NLRC4: variants seen among roughly 807,000 people sequenced by gnomAD.
The protein encoded by NLRC4 is NLR family CARD domain-containing protein 4.
NLRC4 carries 63 observed loss-of-function variants against 79.9 expected under a neutral mutation model. The ratio of observed to expected loss-of-function variants is 0.79; its 90% CI spans 0.64 to 0.97. NLRC4 has a LOEUF of 0.97. Ranked by LOEUF, NLRC4 falls within the 50% of genes least tolerant of loss-of-function variation. NLRC4 has a pLI of 0.00. For missense variants in NLRC4, 1,074 were observed against 1,215.2 expected (o/e 0.88, Z 1.73); for synonymous variants, 461 against 456.5 (o/e 1.01, Z -0.12).
intron 1 of NLRC4, 108 bp downstream of exon 1, chr2:32,264,630 T>C (rs1687427485): frequency 6.6e-6 from 1 of 151,790 alleles, no homozygotes; most frequent in African/African-American, 2.4e-5. Context: ...CACTCGTCAA[T>C]GTTAAGGCTT....
intron 7 of NLRC4, 92 bp downstream of exon 7, chr2:32,236,155 G>A (rs927195236): frequency 1.4e-6 from 1 of 715,112 alleles, no homozygotes; most frequent in East Asian, 2.7e-5. Flanking sequence ...AGGCACACAT[G>A]GGTATAAAAG....
chr2:32,231,256 G>A (rs1362987849), intron 8 of NLRC4, among the ~76,000 whole-genome samples: 3 of 152,052 alleles, frequency 2.0e-5, no homozygotes, highest in African/African-American at 7.2e-5. Flanking sequence ...CAGGATTCAA[G>A]CAATTCTTCT....
At chr2:32,240,143 G>A (rs189196795) in intron 5 of NLRC4, among the ~76,000 whole-genome samples, 1 of 152,044 alleles carries the variant, frequency 6.6e-6, no homozygotes, top group African/African-American at 2.4e-5. Context: ...ACCATGCCCA[G>A]CTAATTTTTG....
At chr2:32,232,191 C>T (rs996301185) in intron 8 of NLRC4, among the ~76,000 whole-genome samples, 3 of 152,156 alleles carry the variant, frequency 2.0e-5, no homozygotes, top group African/African-American at 7.2e-5. Context: ...ACCTTGTTCA[C>T]CTGACCAAGG....
rs1558464069 is a variant in NLRC4 at position 32,261,315 on chromosome 2, C to CTTTTTTTTTTTTT, written c.-119+3422_-119+3423insAAAAAAAAAAAAA. Among the ~76,000 whole-genome samples, 4 of 81,504 alleles carry CTTTTTTTTTTTTT rather than the reference C, an allele frequency of 4.9e-5. 1 individual carries two copies. Among genetic ancestry groups the CTTTTTTTTTTTTT allele is most frequent in the African/African-American group, 1.9e-4 (4 of 20,688 alleles). The allele number at this position is 81,504 out of a possible 152,430, so 53.5% of individuals were successfully genotyped here. A position where few individuals can be genotyped will look rare whatever the true frequency, so the allele number is the denominator to read the frequency against. ...TTTCTTTCGCCTATTAAGCCTCCCC[C>CTTTTTTTTTTTTT]CTTTTGTTTTTTTTTGAGATGGAGC... On this transcript the variant is annotated intron_variant, in intron 1 of 8. Transcript: ENST00000402280.
intron 1 of NLRC4, among the ~76,000 whole-genome samples, chr2:32,264,300 G>C (rs1021629499): frequency 6.6e-6 from 1 of 151,918 alleles, no homozygotes; most frequent in African/African-American, 2.4e-5. Context: ...GGGGCGCGGT[G>C]CCGGGTGCCT....
In NLRC4 at chr2:32,250,236, T is replaced by G. The variant is rs148732979; in HGVS notation, c.1628A>C (p.Gln543Pro). Residue 543 changes from glutamine (Q) to proline (P), a missense_variant, in exon 4 of 9, where the codon CAA becomes CCA. Transcript: ENST00000402280. The surrounding 1 kb of genome is among the most constrained non-coding windows in gnomAD (Gnocchi z 4.9). ...SLQSVKNTTE[Q>P]EILKAININS... Reference sequence around the variant, plus strand: ...GATGTTTATGGCTTTCAGAATTTCTTGCTCAGTGGTGTTTTTCACACTTTG... The same window carrying G: ...GATGTTTATGGCTTTCAGAATTTCTGGCTCAGTGGTGTTTTTCACACTTTG... 32 of 1,614,082 alleles carry G rather than the reference T, an allele frequency of 2.0e-5. 1 individual carries two copies. In the African/African-American group the frequency reaches 2.1e-4, roughly 11 times the overall value.
intron 3 of NLRC4, 62 bp downstream of exon 3, chr2:32,252,357 A>G: frequency 8.0e-7 from 1 of 1,253,490 alleles, no homozygotes. Flanking sequence ...CATGGGGAAG[A>G]TGGATCTTTG....
chr2:32,257,819 A>T (rs1687244005), intron 1 of NLRC4, among the ~76,000 whole-genome samples: 1 of 151,760 alleles, frequency 6.6e-6, no homozygotes, highest in Admixed American at 6.6e-5. Flanking sequence ...CCTCTAGGGG[A>T]TCATACAGAT....
At chr2:32,256,713 A>G in intron 2 of NLRC4, 62 bp downstream of exon 2, 1 of 725,276 alleles carries the variant, frequency 1.4e-6, no homozygotes, top group Non-Finnish European at 2.5e-6. Context: ...TTTCCATTTA[A>G]AATCACCAGT....
intron 1 of NLRC4, among the ~76,000 whole-genome samples, chr2:32,260,977 A>G (rs498237): frequency 1 from 151,947 of 151,960 alleles, 75,967 homozygotes; most frequent in Middle Eastern, 1. Context: ...CGGATCACAA[A>G]GTCAGGAGAT....
In NLRC4 at chr2:32,251,537, G is replaced by T. The variant is rs1031872180; in HGVS notation, c.327C>A (p.Tyr109Ter). ...DDLAQDLKDL[Y>*]HTPSFLNFYP... ...AAAAGTTCAGAAAAGATGGGGTATG[G>T]TACAAGTCCTTTAAATCCTGAGCCA... The change falls in exon 4 of 9, where the codon TAC becomes TAA. Residue 109 changes from tyrosine (Y) to a stop codon, truncating the protein, a stop_gained. Coordinates refer to ENST00000402280, the MANE Select transcript of NLRC4 (RefSeq NM_001199138.2). LOFTEE classifies it high-confidence loss of function. 3 of 1,613,332 alleles carry T rather than the reference G, an allele frequency of 1.9e-6. No homozygotes were observed. The highest frequency in any genetic ancestry group is 1.7e-6 in the Non-Finnish European group (2 of 1,179,680).
At chr2:32,239,215 A>C (rs1016571837) in intron 5 of NLRC4, among the ~76,000 whole-genome samples, 3 of 152,322 alleles carry the variant, frequency 2.0e-5, no homozygotes, top group South Asian at 2.1e-4. Flanking sequence ...CAGGAGGCAG[A>C]GGTTGCAGTG....
At chr2:32,242,795 C>T (rs538181706) in intron 4 of NLRC4, among the ~76,000 whole-genome samples, 1 of 152,232 alleles carries the variant, frequency 6.6e-6, no homozygotes, top group Admixed American at 6.5e-5. Context: ...TCCTATAATC[C>T]CCGTGCTTTG....
At chr2:32,251,824 C>G (rs1687085660) in intron 3 of NLRC4, among the ~76,000 whole-genome samples, 1 of 152,122 alleles carries the variant, frequency 6.6e-6, no homozygotes. Context: ...CTTTCCACAA[C>G]CAAATCTTAT....
rs1042765839 is a variant in NLRC4 at position 32,264,817 on chromosome 2, C to T, written c.-198G>A. On this transcript the variant is annotated 5_prime_UTR_variant, in exon 1 of 9. Transcript: ENST00000402280. ...ATAAAGTTTCTTTGTATTTGCTTTCCGTTTCAGTGAGGCCTCGAGTTCTTG... is the reference window on the plus strand; with the variant it reads ...ATAAAGTTTCTTTGTATTTGCTTTCTGTTTCAGTGAGGCCTCGAGTTCTTG... 2.6e-5 allele frequency: 4 copies of T among 152,098 alleles called. No individual in the cohort carries two copies. Among genetic ancestry groups the T allele is most frequent in the Non-Finnish European group, 4.4e-5 (3 of 68,048 alleles). 9.4% of individuals were successfully genotyped at this position (152,098 alleles called of 1,614,324 possible).
At chr2:32,232,257 C>T (rs1245313575) in intron 8 of NLRC4, among the ~76,000 whole-genome samples, 4 of 152,204 alleles carry the variant, frequency 2.6e-5, no homozygotes, top group Non-Finnish European at 5.9e-5. Flanking sequence ...CCTTTTGCTG[C>T]ATGCTACAAG....
chr2:32,233,349 ATTT>A (rs1176305976), intron 8 of NLRC4, among the ~76,000 whole-genome samples: 288 of 41,026 alleles, frequency 7.0e-3, no homozygotes, highest in South Asian at 0.028. Context: ...ATATATATAT[ATTT>A]TTTTTTTTTT....
intron 4 of NLRC4, among the ~76,000 whole-genome samples, chr2:32,248,346 C>A (rs1183173235): frequency 6.6e-6 from 1 of 152,106 alleles, no homozygotes; most frequent in Non-Finnish European, 1.5e-5. Flanking sequence ...GGAGGTCAAA[C>A]ACACATCATT....
Sources: gnomAD v4.1 joint callset for allele counts (sites outside exome capture counted in the v4.1 genomes callset) on GRCh38, gnomAD v4.1.1 for gene constraint, Gnocchi (gnomAD v3.1) non-coding constraint, MANE v1.5 for transcripts, NCBI Gene and HGNC (gene_info 2026-07-23, HGNC 2026-07-21) for gene names.